The following SGCZ variants were observed in gnomAD, a reference collection of about 807,000 sequenced individuals.
The protein encoded by SGCZ is zeta-sarcoglycan.
A neutral mutation model predicts 41.3 loss-of-function variants in SGCZ; 40 were observed. The ratio of observed to expected loss-of-function variants is 0.97; its 90% CI spans 0.75 to 1.26. SGCZ has a LOEUF of 1.26. SGCZ is among the 50% of genes most tolerant of loss of function. The probability of loss-of-function intolerance (pLI) is 0.00; values close to 1 mark genes in which losing one functional copy is unlikely to be tolerated. For synonymous variants in SGCZ, 206 were observed against 137.5 expected, an observed-to-expected ratio of 1.50 and a Z score of -3.49; for missense variants, 552 against 369.8, an observed-to-expected ratio of 1.49 and a Z score of -4.04.
rs543966221 is a variant in SGCZ, at chr8:14,399,379, T to C, written c.235-75175A>G. 6.6e-4 allele frequency among the ~76,000 whole-genome samples: 100 copies of C among 152,278 alleles called. 1 individual carries two copies. The South Asian group carries it at 0.019, about 29-fold the overall frequency. On this transcript the variant is annotated intron_variant, in intron 2 of 7. Transcript: ENST00000382080. ...GCCTGGGCATCCACTTGCTCTTCAA[T>C]AGTGCCTGCCATGGATTTATTCAGT...
At chr8:14,284,309 C>G (rs1261267908) in intron 3 of SGCZ, among the ~76,000 whole-genome samples, 3 of 152,176 alleles carry the variant, frequency 2.0e-5, no homozygotes, top group Non-Finnish European at 4.4e-5. Flanking sequence ...GGGAGGATGG[C>G]TTGAGTCCAG....
chr8:14,315,064 C>A lies in SGCZ; in HGVS notation c.336+9039G>T, dbSNP rs138851347. Among the ~76,000 whole-genome samples the A allele has an allele frequency of 3.3e-5, 5 of 152,200 alleles. 1 individual carries two copies. In the East Asian group the frequency reaches 9.6e-4, roughly 29 times the overall value. On this transcript the variant is annotated intron_variant, in intron 3 of 7. Transcript: ENST00000382080. ...AGAGTCTGTTTACAGGCACACAATG[C>A]AGAATCTACTTTTATGCAGATGAGG...
At chr8:14,627,824 G>T (rs947903283) in intron 1 of SGCZ, among the ~76,000 whole-genome samples, 1 of 151,896 alleles carries the variant, frequency 6.6e-6, no homozygotes, top group Non-Finnish European at 1.5e-5. Flanking sequence ...AAAAGGAAAG[G>T]CTCTGACGTT....
At chr8:14,398,087 G>A in intron 2 of SGCZ, among the ~76,000 whole-genome samples, 1 of 152,040 alleles carries the variant, frequency 6.6e-6, no homozygotes, top group East Asian at 1.9e-4. Context: ...CCCTTTTTGT[G>A]ACCCTCAATT....
intron 1 of SGCZ, among the ~76,000 whole-genome samples, chr8:14,588,760 TA>T (rs1459903030): frequency 6.6e-6 from 1 of 152,170 alleles, no homozygotes; most frequent in African/African-American, 2.4e-5. Flanking sequence ...TGTAGTCTAA[TA>T]GATTGATAAC....
chr8:14,645,693 A>G (rs1050951281), intron 1 of SGCZ, among the ~76,000 whole-genome samples: 1 of 148,104 alleles, frequency 6.8e-6, no homozygotes, highest in Non-Finnish European at 1.5e-5. Flanking sequence ...TAATGACCTT[A>G]TAGTCCATTT....
At chr8:14,507,000 A>T (rs1802324733) in intron 2 of SGCZ, among the ~76,000 whole-genome samples, 2 of 152,112 alleles carry the variant, frequency 1.3e-5, no homozygotes, top group Non-Finnish European at 1.5e-5. Flanking sequence ...ATACATAAAT[A>T]CCATCTCTAT....
intron 1 of SGCZ, among the ~76,000 whole-genome samples, chr8:14,803,833 G>C (rs1363037044): frequency 8.1e-6 from 1 of 123,598 alleles, no homozygotes; most frequent in African/African-American, 3.7e-5. Context: ...GTCCCTGTCT[G>C]ACAGCTTTCA....
chr8:14,197,604 C>G (rs573206965), intron 4 of SGCZ, among the ~76,000 whole-genome samples: 2 of 151,832 alleles, frequency 1.3e-5, no homozygotes, highest in African/African-American at 4.8e-5. Flanking sequence ...TGTCAAAATT[C>G]AAATTACATT....
Position 15,200,777 on chromosome 8 carries a change from C to T in SGCZ, c.39+36808G>A, listed in dbSNP as rs1468061365. ...TTTAGAGATGAGGAAAATTAACAAG[C>T]TAGGCCAAGACACAAACCCACGTCT... On this transcript the variant is annotated intron_variant, in intron 1 of 7. Transcript: ENST00000382080. Among the ~76,000 whole-genome samples, 7 of 152,122 alleles carry T rather than the reference C, an allele frequency of 4.6e-5. No homozygotes were observed. The East Asian group carries it at 1.4e-3, about 29-fold the overall frequency.
Position 14,408,950 on chromosome 8 carries a change from A to AGTGTGTGTGTGTGTGTGTGT in SGCZ, c.235-84747_235-84746insACACACACACACACACACAC, listed in dbSNP as rs36121697. Among the ~76,000 whole-genome samples the AGTGTGTGTGTGTGTGTGTGT allele has an allele frequency of 4.8e-4, 61 of 126,430 alleles. 1 individual carries two copies. The highest frequency in any genetic ancestry group is 1.4e-3 in the African/African-American group (55 of 39,692). 82.9% of individuals were successfully genotyped at this position (126,430 alleles called of 152,430 possible). On this transcript the variant is annotated intron_variant, in intron 2 of 7. Transcript: ENST00000382080. ...AAAGCTAACACATTTTTAAATTAAGAGAGTGTGTGTGTGTGTGTGTGCATG... is the reference window on the plus strand; with the variant it reads ...AAAGCTAACACATTTTTAAATTAAGAGTGTGTGTGTGTGTGTGTGTGAGTGTGTGTGTGTGTGTGTGCATG...
At chr8:14,730,200 G>C (rs2254055) in intron 1 of SGCZ, among the ~76,000 whole-genome samples, 56,675 of 152,128 alleles carry the variant, frequency 0.37, 12,818 homozygotes, top group Non-Finnish European at 0.51. Context: ...AAGTTTTCTG[G>C]AGTGCCGCAC....
chr8:14,447,032 T>A (rs559167188), intron 2 of SGCZ, among the ~76,000 whole-genome samples: 1 of 152,296 alleles, frequency 6.6e-6, no homozygotes, highest in East Asian at 1.9e-4. Context: ...CATAATTCAT[T>A]TCAGCAGTTT....
chr8:14,585,740 T>C (rs1369429706), intron 1 of SGCZ, among the ~76,000 whole-genome samples: 1 of 152,154 alleles, frequency 6.6e-6, no homozygotes, highest in African/African-American at 2.4e-5. Context: ...CATTTAATAC[T>C]CAACGATTAA....
intron 4 of SGCZ, among the ~76,000 whole-genome samples, chr8:14,201,030 C>G (rs1489064379): frequency 6.6e-6 from 1 of 151,946 alleles, no homozygotes. Flanking sequence ...AACAAAAACA[C>G]AAAAAGATGC....
chr8:14,737,977 A>G (rs1356902676), intron 1 of SGCZ, among the ~76,000 whole-genome samples: 1 of 152,100 alleles, frequency 6.6e-6, no homozygotes. Context: ...TTACAGATGA[A>G]GAAAGTAAGC....
At chr8:14,531,198 T>A (rs1455160914) in intron 2 of SGCZ, among the ~76,000 whole-genome samples, 1 of 151,852 alleles carries the variant, frequency 6.6e-6, no homozygotes, top group East Asian at 1.9e-4. Flanking sequence ...CCAAGCCTAT[T>A]CATAAACCTA....
chr8:14,261,311 T>G (rs1352274239), intron 3 of SGCZ, among the ~76,000 whole-genome samples: 1 of 152,162 alleles, frequency 6.6e-6, no homozygotes, highest in African/African-American at 2.4e-5. Context: ...GAATGATGCT[T>G]ATTAAAATGT....
intron 1 of SGCZ, among the ~76,000 whole-genome samples, chr8:14,633,363 A>C (rs1432251313): frequency 6.6e-6 from 1 of 151,956 alleles, no homozygotes; most frequent in Non-Finnish European, 1.5e-5. Context: ...CCCTGATGAA[A>C]TTTAGTTTCC....
Sources: allele counts gnomAD v4.1 joint callset (sites outside exome capture counted in the v4.1 genomes callset), GRCh38; gene constraint gnomAD v4.1.1; transcripts MANE v1.5; gene names NCBI Gene and HGNC (gene_info 2026-07-23, HGNC 2026-07-21).